FNIP2: variants seen among roughly 807,000 people sequenced by gnomAD.
The protein encoded by FNIP2 is folliculin interacting protein 2, also known as folliculin-interacting protein 2.
In FNIP2, 32 loss-of-function variants were observed where a neutral mutation model predicts 108.7. The observed-to-expected ratio is 0.29, with a 90% CI of 0.22 to 0.40. FNIP2 has a LOEUF of 0.40. Ranked by LOEUF, FNIP2 falls within the 10% of genes least tolerant of loss-of-function variation. The pLI is 1.00. For missense variants in FNIP2, 1,202 were observed against 1,381.6 expected (o/e 0.87, Z 2.06); for synonymous variants, 480 against 496.7 (o/e 0.97, Z 0.45).
chr4:158,810,678 T>A (rs575342535), intron 1 of FNIP2, among the ~76,000 whole-genome samples: 19 of 152,298 alleles, frequency 1.2e-4, no homozygotes, highest in Admixed American at 1.1e-3. Flanking sequence ...TGACATCAGC[T>A]TTTGTCTCGG....
chr4:158,804,696 T>C (rs1776881453), intron 1 of FNIP2, among the ~76,000 whole-genome samples: 2 of 152,182 alleles, frequency 1.3e-5, no homozygotes, highest in South Asian at 2.1e-4. Context: ...ATAGGCTTGA[T>C]CTACAGTAGT....
intron 1 of FNIP2, among the ~76,000 whole-genome samples, chr4:158,789,141 A>G (rs1776318835): frequency 6.6e-6 from 1 of 152,214 alleles, no homozygotes; most frequent in South Asian, 2.1e-4. Flanking sequence ...AAGTCATTAA[A>G]GGTTTGGAGG....
intron 14 of FNIP2, among the ~76,000 whole-genome samples, chr4:158,875,741 CGTT>C (rs1440226850): frequency 2.6e-5 from 4 of 151,940 alleles, no homozygotes; most frequent in Admixed American, 6.6e-5. Flanking sequence ...GAACATCTCT[CGTT>C]GTTTTCTTTT....
chr4:158,770,626 A>G (rs1432032938), intron 1 of FNIP2, among the ~76,000 whole-genome samples: 1 of 152,114 alleles, frequency 6.6e-6, no homozygotes, highest in Non-Finnish European at 1.5e-5. Context: ...TTAAATTCTC[A>G]TGTTTTCTTT....
chr4:158,854,950 T>C (rs1203240138), intron 8 of FNIP2, among the ~76,000 whole-genome samples: 1 of 152,158 alleles, frequency 6.6e-6, no homozygotes, highest in Non-Finnish European at 1.5e-5. Flanking sequence ...AAAGTTAGAA[T>C]AGTATTTCTA....
chr4:158,870,173 CACTT>C lies in FNIP2; in HGVS notation c.2793-135_2793-132del, dbSNP rs1048284629. ...ACTCCCTTTTCTCCCACCTGTGATC[CACTT>C]ACTTGAGGGTTGGTGACATGGACCA... On this transcript the variant is annotated intron_variant, in intron 13 of 16. Transcript: ENST00000264433. 22 of 818,134 alleles carry C rather than the reference CACTT, an allele frequency of 2.7e-5. No homozygotes were observed. In the African/African-American group the frequency reaches 3.8e-4, roughly 14 times the overall value. The allele number at this position is 818,134 out of a possible 1,614,324, so 50.7% of individuals were successfully genotyped here.
chr4:158,895,626 G>A, intron 15 of FNIP2, 124 bp from the exon 16 acceptor site: 1 of 631,408 alleles, frequency 1.6e-6, no homozygotes. Flanking sequence ...GATTTTTTAA[G>A]TGTATTTGAA....
chr4:158,802,683 T>A (rs1190048670), intron 1 of FNIP2, among the ~76,000 whole-genome samples: 1 of 152,222 alleles, frequency 6.6e-6, no homozygotes, highest in Non-Finnish European at 1.5e-5. Flanking sequence ...GGGAATGGGC[T>A]TTTTCTCAGG....
chr4:158,833,904 G>A, intron 6 of FNIP2: 1 of 1,381,196 alleles, frequency 7.2e-7, no homozygotes, highest in East Asian at 3.4e-5. Context: ...TGTGTGGAAT[G>A]CTGAGTACAG....
At chr4:158,825,823 G>A in intron 1 of FNIP2, 93 bp from the exon 2 acceptor site, 1 of 1,460,608 alleles carries the variant, frequency 6.8e-7, no homozygotes, top group Non-Finnish European at 9.4e-7. Flanking sequence ...CTTTTGATGT[G>A]CACACAGGCA....
At chr4:158,896,190 C>T (rs1234470807) in intron 16 of FNIP2, among the ~76,000 whole-genome samples, 2 of 152,202 alleles carry the variant, frequency 1.3e-5, no homozygotes, top group East Asian at 3.8e-4. Flanking sequence ...GCTGAAGTCA[C>T]AAGCTGTGGG....
Position 158,769,335 on chromosome 4 carries a change from G to A in FNIP2, c.107+16G>A. 2 of 1,465,460 alleles carry A rather than the reference G, an allele frequency of 1.4e-6. No individual in the cohort carries two copies. The highest frequency in any genetic ancestry group is 2.0e-4 in the Middle Eastern group (1 of 4,998). 90.8% of individuals were successfully genotyped at this position (1,465,460 alleles called of 1,614,324 possible). On this transcript the variant is annotated intron_variant, in intron 1 of 16. Transcript: ENST00000264433. The stretch of plus-strand genomic sequence containing the variant: ...CCGCCTTTAGGTGAGGGGGCGCCGG[G>A]GGGCAATTCTGGCGCGGGACCCGAG...
intron 8 of FNIP2, among the ~76,000 whole-genome samples, chr4:158,857,488 T>C (rs1780050409): frequency 6.6e-6 from 1 of 152,230 alleles, no homozygotes; most frequent in African/African-American, 2.4e-5. Context: ...TTTATTGTAA[T>C]GTGTAGCATT....
At chr4:158,885,127 G>T (rs1410362338) in intron 14 of FNIP2, among the ~76,000 whole-genome samples, 1 of 152,114 alleles carries the variant, frequency 6.6e-6, no homozygotes, top group South Asian at 2.1e-4. Flanking sequence ...CTGCACTCCA[G>T]CCTGGGCAAC....
intron 1 of FNIP2, among the ~76,000 whole-genome samples, chr4:158,782,796 G>A (rs977005452): frequency 8.5e-5 from 13 of 152,122 alleles, no homozygotes; most frequent in African/African-American, 3.1e-4. Flanking sequence ...CAATTGTCCA[G>A]TAATCTTATC....
At chr4:158,900,595 CTTCT>C (rs1459102752) in intron 16 of FNIP2, among the ~76,000 whole-genome samples, 6 of 152,140 alleles carry the variant, frequency 3.9e-5, no homozygotes, top group Non-Finnish European at 7.3e-5. Flanking sequence ...ATGTAATGCC[CTTCT>C]TTGTCTCTTT....
intron 6 of FNIP2, 39 bp from the exon 7 acceptor site, chr4:158,835,366 A>G: frequency 6.3e-7 from 1 of 1,584,660 alleles, no homozygotes; most frequent in African/African-American, 1.3e-5. Flanking sequence ...TTATCTCTGA[A>G]GAGCCCAATA....
intron 1 of FNIP2, among the ~76,000 whole-genome samples, chr4:158,809,993 T>C (rs1339591050): frequency 1.3e-5 from 2 of 152,218 alleles, no homozygotes; most frequent in Non-Finnish European, 2.9e-5. Context: ...CTGCTTCACA[T>C]AGATAAGCTG....
At chr4:158,776,221 C>G (rs929137782) in intron 1 of FNIP2, among the ~76,000 whole-genome samples, 5 of 152,188 alleles carry the variant, frequency 3.3e-5, no homozygotes, top group African/African-American at 1.2e-4. Context: ...AATTAAGAAC[C>G]TACATATCTG....
Sources: allele counts gnomAD v4.1 joint callset (sites outside exome capture counted in the v4.1 genomes callset), GRCh38; gene constraint gnomAD v4.1.1; transcripts MANE v1.5; gene names NCBI Gene and HGNC (gene_info 2026-07-23, HGNC 2026-07-21).